Variants in TAF5L observed in about 807,000 individuals in gnomAD.
TAF5L encodes the protein TAF5-like RNA polymerase II p300/CBP-associated factor-associated factor 65 kDa subunit 5L.
In TAF5L, 7 loss-of-function variants were observed where a neutral mutation model predicts 51.3. The ratio of observed to expected loss-of-function variants is 0.14; its 90% CI spans 0.08 to 0.26. TAF5L has a LOEUF of 0.26. Ranked by LOEUF, TAF5L falls within the 10% of genes least tolerant of loss-of-function variation. The probability of loss-of-function intolerance (pLI) is 1.00; values close to 1 mark genes in which losing one functional copy is unlikely to be tolerated. For synonymous variants in TAF5L, 291 were observed against 308.1 expected (o/e 0.94, Z 0.58); for missense variants, 575 against 758.9 (o/e 0.76, Z 2.85).
At chr1:229,616,794 A>ACATTATATTTACATTATATATATATT (rs1665018843) in intron 1 of TAF5L, among the ~76,000 whole-genome samples, 1 of 152,202 alleles carries the variant, frequency 6.6e-6, no homozygotes, top group Admixed American at 6.5e-5. Flanking sequence ...TGTAAATATA[A>ACATTATATTTACATTATATATATATT]AATGTTAGGA....
chr1:229,615,338 T>C (rs1167781219), intron 1 of TAF5L, among the ~76,000 whole-genome samples: 1 of 152,108 alleles, frequency 6.6e-6, no homozygotes, highest in African/African-American at 2.4e-5. Context: ...CTGCCCGGCT[T>C]GGCCTCTCAA....
At chr1:229,616,375 T>TTTATTTATTAGTA (rs1553271735) in intron 1 of TAF5L, among the ~76,000 whole-genome samples, 1 of 148,206 alleles carries the variant, frequency 6.7e-6, no homozygotes, top group Admixed American at 6.7e-5. Flanking sequence ...TTTATTTATA[T>TTTATTTATTAGTA]TTTTTTTTTT....
intron 4 of TAF5L, chr1:229,600,346 G>A (rs545238757): frequency 1.0e-6 from 1 of 985,370 alleles, no homozygotes; most frequent in East Asian, 1.1e-4. Flanking sequence ...AAGGGCAGAG[G>A]TTAGCTAGCA....
chr1:229,597,771 CAAGA>C (rs1664181778), intron 4 of TAF5L, among the ~76,000 whole-genome samples: 2 of 152,132 alleles, frequency 1.3e-5, no homozygotes, highest in Non-Finnish European at 2.9e-5. Context: ...AGAAATTTAA[CAAGA>C]AAAATAAACA....
chr1:229,598,460 A>G (rs1664212641), intron 4 of TAF5L, among the ~76,000 whole-genome samples: 1 of 152,146 alleles, frequency 6.6e-6, no homozygotes, highest in East Asian at 1.9e-4. Context: ...TTCAAACCTA[A>G]AGAAGACCAG....
Position 229,594,616 on chromosome 1 carries a change from G to C in TAF5L, c.1451C>G (p.Ala484Gly). 6.2e-7 allele frequency: 1 copy of C among 1,614,182 alleles called. No individual in the cohort carries two copies. Among genetic ancestry groups the C allele is most frequent in the Non-Finnish European group, 8.5e-7 (1 of 1,180,032 alleles). ...CAACCGCTGGTCCTCGCCAGCAGAC[G>C]CCAAGTACTTACCGTTGGGAGAAAA... Residue 484 changes from alanine to glycine, a missense_variant, in exon 5 of 5, where the codon GCG becomes GGG. Transcript: ENST00000258281. This position sits in a 1 kb window ranked among gnomAD's most constrained non-coding sequence, Gnocchi z 7.9.
At position 229,625,347 on chromosome 1, in the gene TAF5L, C is replaced by A. The variant is rs575801438; in HGVS notation, c.-4+538G>T. On this transcript the variant is annotated intron_variant, in intron 1 of 4. Transcript: ENST00000258281. This position sits in a 1 kb window ranked among gnomAD's most constrained non-coding sequence, Gnocchi z 4.0. Reference sequence around the variant, plus strand: ...CGAGAGACACCCTTGCAGGTAAGCACTCTCCTGCAGCAGCTAGTCTAACTC... The same window carrying A: ...CGAGAGACACCCTTGCAGGTAAGCAATCTCCTGCAGCAGCTAGTCTAACTC... 1.3e-5 allele frequency among the ~76,000 whole-genome samples: 2 copies of A among 152,288 alleles called. No homozygotes were observed. The highest frequency in any genetic ancestry group is 4.2e-4 in the South Asian group (2 of 4,816).
At chr1:229,599,006 T>C (rs1053289235) in intron 4 of TAF5L, among the ~76,000 whole-genome samples, 4 of 152,164 alleles carry the variant, frequency 2.6e-5, no homozygotes, top group Non-Finnish European at 4.4e-5. Context: ...CAGATATCAT[T>C]TCTATCTCCA....
intron 3 of TAF5L, chr1:229,607,500 T>TC: frequency 1.0e-6 from 1 of 983,038 alleles, no homozygotes; most frequent in Non-Finnish European, 1.2e-6. Flanking sequence ...AAATTACTCC[T>TC]CTTCCTCCTC....
chr1:229,596,679 A>C (rs1194842323), intron 4 of TAF5L, among the ~76,000 whole-genome samples: 1 of 152,218 alleles, frequency 6.6e-6, no homozygotes, highest in Non-Finnish European at 1.5e-5. Flanking sequence ...ATCTGTTTTC[A>C]AAATTCATTT....
intron 3 of TAF5L, among the ~76,000 whole-genome samples, chr1:229,605,108 G>GCA (rs1664536488): frequency 8.4e-6 from 1 of 118,622 alleles, no homozygotes; most frequent in Non-Finnish European, 1.9e-5. Context: ...ATTTTTGTAT[G>GCA]TATATATATA....
intron 1 of TAF5L, among the ~76,000 whole-genome samples, chr1:229,620,133 T>TTC (rs1378161030): frequency 1.3e-5 from 2 of 152,010 alleles, no homozygotes. Flanking sequence ...TAAATGGGAA[T>TTC]TCTCTCTCAA....
rs1664019731 is a variant in TAF5L at position 229,594,036 on chromosome 1, A to T, written c.*261T>A. The T allele has an allele frequency of 2.4e-6, 1 of 418,094 alleles. No homozygotes were observed. The highest frequency in any genetic ancestry group is 4.4e-6 in the Non-Finnish European group (1 of 226,332). 25.9% of individuals were successfully genotyped at this position (418,094 alleles called of 1,614,324 possible). A position where few individuals can be genotyped will look rare whatever the true frequency, so the allele number is the denominator to read the frequency against. ...GCTCGCATGCGCGAGGTCACGGCAG[A>T]GTCTCCATGAGGACTTGTGAGTGAC... On this transcript the variant is annotated 3_prime_UTR_variant, in exon 5 of 5. Coordinates refer to ENST00000258281, the Ensembl canonical transcript of TAF5L. The surrounding 1 kb of genome is among the most constrained non-coding windows in gnomAD (Gnocchi z 7.9).
chr1:229,610,208 G>C (rs1664738143), exon 3 of TAF5L: 5 of 1,613,874 alleles, frequency 3.1e-6, no homozygotes, highest in Non-Finnish European at 4.2e-6. Context: ...GATTCTGATT[G>C]CACTAAAGAG....
intron 4 of TAF5L, chr1:229,600,303 T>C: frequency 1.0e-6 from 1 of 985,346 alleles, no homozygotes; most frequent in African/African-American, 1.7e-5. Context: ...TCAGCTTTAG[T>C]TCTTAAGTTT....
At chr1:229,606,332 T>C (rs1571840740) in intron 3 of TAF5L, 2 of 894,812 alleles carry the variant, frequency 2.2e-6, no homozygotes, top group African/African-American at 3.6e-5. Flanking sequence ...TATATTTTTT[T>C]CTAACTGCAA....
At chr1:229,595,088 C>T (rs1664069865) in exon 5 of TAF5L, 2 of 1,593,062 alleles carry the variant, frequency 1.3e-6, no homozygotes, top group Admixed American at 1.7e-5. Context: ...TTATCATCCT[C>T]ATCATCCTGG....
intron 4 of TAF5L, chr1:229,601,817 C>T (rs1395813825): frequency 1.2e-5 from 12 of 1,024,064 alleles, no homozygotes; most frequent in East Asian, 9.6e-5. Context: ...GGAGGCCCTT[C>T]GACTCAGTTA....
chr1:229,623,842 A>G (rs1003699254), intron 1 of TAF5L, among the ~76,000 whole-genome samples: 1 of 152,206 alleles, frequency 6.6e-6, no homozygotes, highest in African/African-American at 2.4e-5. Flanking sequence ...ACCTGGCTGA[A>G]GGGTCTGAGC....
Sources: allele counts gnomAD v4.1 joint callset (sites outside exome capture counted in the v4.1 genomes callset), GRCh38; gene constraint gnomAD v4.1.1; non-coding constraint Gnocchi (gnomAD v3.1); transcripts MANE v1.5; gene names NCBI Gene and HGNC (gene_info 2026-07-23, HGNC 2026-07-21).